Variants in NRXN3 observed in about 807,000 individuals in gnomAD.
The protein encoded by NRXN3 is neurexin III.
Under a neutral mutation model 137.6 loss-of-function variants are expected in NRXN3, and 32 were observed. The ratio of observed to expected loss-of-function variants is 0.23; its 90% CI spans 0.18 to 0.31. The LOEUF (loss-of-function observed/expected upper bound fraction) is 0.31. Among genes scored for constraint, NRXN3 ranks in the 10% least tolerant of loss-of-function variants. NRXN3 has a pLI of 1.00. For missense variants in NRXN3, 1,574 were observed against 2,062.5 expected (o/e 0.76, Z 4.59); for synonymous variants, 798 against 784.5 (o/e 1.02, Z -0.29).
intron 15 of NRXN3, among the ~76,000 whole-genome samples, chr14:79,007,618 AC>A (rs2099555913): frequency 6.6e-6 from 1 of 151,952 alleles, no homozygotes; most frequent in African/African-American, 2.4e-5. Context: ...ATCCTGGCTA[AC>A]ACGGTGAAAC....
intron 15 of NRXN3, among the ~76,000 whole-genome samples, chr14:79,218,003 G>A (rs2068841789): frequency 6.6e-6 from 1 of 152,126 alleles, no homozygotes. Flanking sequence ...ATTCATATCT[G>A]ACACGTAAAT....
At chr14:78,647,660 C>A (rs1002962548) in intron 5 of NRXN3, among the ~76,000 whole-genome samples, 1 of 152,124 alleles carries the variant, frequency 6.6e-6, no homozygotes, top group Middle Eastern at 3.2e-3. Flanking sequence ...AGAAAGTGAA[C>A]CTAAAATTGA....
At chr14:78,699,237 C>G (rs191959023) in intron 6 of NRXN3, among the ~76,000 whole-genome samples, 2 of 149,706 alleles carry the variant, frequency 1.3e-5, no homozygotes, top group East Asian at 3.9e-4. Context: ...AAGAAGGTTT[C>G]TAAAAAGAGG....
At chr14:79,368,864 AT>A (rs893331352) in intron 15 of NRXN3, among the ~76,000 whole-genome samples, 14 of 152,312 alleles carry the variant, frequency 9.2e-5, no homozygotes, top group African/African-American at 3.4e-4. Context: ...GCTTAGATTA[AT>A]TTTTTTGTGG....
At chr14:79,640,867 A>G (rs61296059) in intron 16 of NRXN3, among the ~76,000 whole-genome samples, 15,454 of 135,494 alleles carry the variant, frequency 0.11, 3,344 homozygotes, top group African/African-American at 0.35. Flanking sequence ...ATAGTCTTAA[A>G]TGGAAAGAAT....
intron 16 of NRXN3, among the ~76,000 whole-genome samples, chr14:79,532,964 C>T (rs183939941): frequency 3.5e-4 from 53 of 152,144 alleles, no homozygotes; most frequent in Non-Finnish European, 5.7e-4. Flanking sequence ...ATTCTATTCC[C>T]AAAGGTTATG....
intron 8 of NRXN3, among the ~76,000 whole-genome samples, chr14:78,766,750 A>G (rs1273473390): frequency 1.3e-5 from 2 of 152,228 alleles, no homozygotes; most frequent in Non-Finnish European, 1.5e-5. Flanking sequence ...TGTCTTGGAA[A>G]GAGCATGGGC....
intron 4 of NRXN3, among the ~76,000 whole-genome samples, chr14:78,494,222 T>C (rs534970809): frequency 3.9e-5 from 6 of 152,326 alleles, no homozygotes; most frequent in Admixed American, 1.3e-4. Flanking sequence ...ATGTAAAATA[T>C]ATTACACTTA....
intron 19 of NRXN3, among the ~76,000 whole-genome samples, chr14:79,704,427 G>A (rs949420257): frequency 6.6e-6 from 1 of 152,104 alleles, no homozygotes; most frequent in Non-Finnish European, 1.5e-5. Context: ...TTTACCCAAA[G>A]AATTATCCCC....
chr14:78,350,327 G>C (rs921920242), intron 4 of NRXN3, among the ~76,000 whole-genome samples: 1 of 151,918 alleles, frequency 6.6e-6, no homozygotes, highest in African/African-American at 2.4e-5. Flanking sequence ...GGTTCTCTGG[G>C]AGGCTGGAGA....
At chr14:79,007,163 T>C in intron 15 of NRXN3, among the ~76,000 whole-genome samples, 1 of 152,210 alleles carries the variant, frequency 6.6e-6, no homozygotes, top group East Asian at 1.9e-4. Flanking sequence ...GAAGTTCATG[T>C]GGCAAAGACA....
chr14:78,729,735 G>T (rs2152896005), intron 8 of NRXN3, among the ~76,000 whole-genome samples: 1 of 152,204 alleles, frequency 6.6e-6, no homozygotes, highest in African/African-American at 2.4e-5. Flanking sequence ...TGAATGCACA[G>T]ACACAAATTC....
intron 4 of NRXN3, among the ~76,000 whole-genome samples, chr14:78,337,760 A>G (rs1003617902): frequency 2.6e-5 from 4 of 152,210 alleles, no homozygotes; most frequent in Admixed American, 2.6e-4. Context: ...CCGTATATAT[A>G]GTACTGATAT....
At chr14:79,034,693 G>A (rs1269540944) in intron 15 of NRXN3, among the ~76,000 whole-genome samples, 1 of 152,008 alleles carries the variant, frequency 6.6e-6, no homozygotes, top group African/African-American at 2.4e-5. Context: ...AATCTAGTTT[G>A]GTTTATTTTT....
chr14:79,190,745 G>A (rs2064181055), intron 15 of NRXN3, among the ~76,000 whole-genome samples: 1 of 152,130 alleles, frequency 6.6e-6, no homozygotes, highest in South Asian at 2.1e-4. Context: ...ATGCATGGTA[G>A]GGAAAAGGGA....
intron 5 of NRXN3, 122 bp downstream of exon 5, chr14:78,645,543 C>T (rs2097677939): frequency 7.9e-6 from 6 of 755,122 alleles, no homozygotes; most frequent in Admixed American, 3.3e-5. Flanking sequence ...GAGATGTTAA[C>T]GTCTAACTTT....
At chr14:79,210,336 A>T (rs2067456982) in intron 15 of NRXN3, among the ~76,000 whole-genome samples, 2 of 152,336 alleles carry the variant, frequency 1.3e-5, no homozygotes, top group South Asian at 4.1e-4. Context: ...TCTCTATGGT[A>T]TCCCCAGCAC....
intron 16 of NRXN3, among the ~76,000 whole-genome samples, chr14:79,585,700 A>AAAAC (rs2097760300): frequency 1.3e-5 from 2 of 151,256 alleles, no homozygotes; most frequent in African/African-American, 4.9e-5. Flanking sequence ...AAAACAAAAA[A>AAAAC]AAAAAAAACC....
chr14:79,485,347 C>A (rs1472667190), intron 16 of NRXN3, among the ~76,000 whole-genome samples: 1 of 152,146 alleles, frequency 6.6e-6, no homozygotes, highest in African/African-American at 2.4e-5. Context: ...CTCCCCACCA[C>A]CCCCCAACTC....
Sources: allele counts gnomAD v4.1 joint callset (sites outside exome capture counted in the v4.1 genomes callset), GRCh38; gene constraint gnomAD v4.1.1; transcripts MANE v1.5; gene names NCBI Gene and HGNC (gene_info 2026-07-23, HGNC 2026-07-21).